ELOVL6: variants seen among roughly 807,000 people sequenced by gnomAD.
ELOVL6 encodes ELOVL fatty acid elongase 6, also known as very long chain fatty acid elongase 6.
Under a neutral mutation model 31.7 loss-of-function variants are expected in ELOVL6, and 8 were observed. That is an observed-to-expected ratio of 0.25 (90% confidence interval 0.15 to 0.45). ELOVL6 has a LOEUF of 0.45. Among genes scored for constraint, ELOVL6 ranks in the 20% least tolerant of loss-of-function variants. ELOVL6 has a pLI of 1.00. For missense variants in ELOVL6, 126 were observed against 326.4 expected, an observed-to-expected ratio of 0.39 and a Z score of 4.73; for synonymous variants, 101 against 117.7, an observed-to-expected ratio of 0.86 and a Z score of 0.92.
Position 110,149,065 on chromosome 4 carries a change from T to C in ELOVL6, c.90-43437A>G, listed in dbSNP as rs531013547. On this transcript the variant is annotated intron_variant, in intron 1 of 3. Transcript: ENST00000302274. ...TTAGTAGAGACAAGGTTTCACCATGTTGCTGAGGCTGGTCTTGAACTCCTG... is the reference window on the plus strand; with the variant it reads ...TTAGTAGAGACAAGGTTTCACCATGCTGCTGAGGCTGGTCTTGAACTCCTG... Among the ~76,000 whole-genome samples the C allele has an allele frequency of 2.6e-5, 4 of 152,288 alleles. No homozygotes were observed. In the South Asian group the frequency reaches 8.3e-4, roughly 32 times the overall value.
chr4:110,198,550 T>C lies in ELOVL6; in HGVS notation c.-215A>G. On this transcript the variant is annotated 5_prime_UTR_variant, in exon 1 of 4. Transcript: ENST00000302274. The stretch of plus-strand genomic sequence containing the variant: ...CGCCTCCGCTCCCAGCTCCTCTCTC[T>C]GGGGCTCTCCTCCTCCCGGCGTCCG... The C allele has an allele frequency of 2.0e-6, 1 of 506,102 alleles. No individual in the cohort carries two copies. The highest frequency in any genetic ancestry group is 3.4e-5 in the East Asian group (1 of 29,636). 31.4% of individuals were successfully genotyped at this position (506,102 alleles called of 1,614,324 possible). A position where few individuals can be genotyped will look rare whatever the true frequency, so the allele number is the denominator to read the frequency against.
At chr4:110,142,485 A>G (rs1362402938) in intron 1 of ELOVL6, among the ~76,000 whole-genome samples, 1 of 152,210 alleles carries the variant, frequency 6.6e-6, no homozygotes, top group Admixed American at 6.5e-5. Context: ...ATCCCTGTCT[A>G]AACTGTGTGG....
intron 1 of ELOVL6, among the ~76,000 whole-genome samples, chr4:110,155,347 C>T (rs554148486): frequency 3.4e-4 from 52 of 151,914 alleles, no homozygotes; most frequent in Non-Finnish European, 4.6e-4. Context: ...TATAGTTATA[C>T]TAATACAGAA....
intron 1 of ELOVL6, among the ~76,000 whole-genome samples, chr4:110,112,283 G>A (rs771212308): frequency 2.0e-5 from 3 of 152,132 alleles, no homozygotes; most frequent in East Asian, 1.9e-4. Flanking sequence ...TGTGAACTGC[G>A]GCTCTTCACA....
At chr4:110,106,572 G>A (rs1158432679) in intron 1 of ELOVL6, among the ~76,000 whole-genome samples, 1 of 152,106 alleles carries the variant, frequency 6.6e-6, no homozygotes, top group Non-Finnish European at 1.5e-5. Context: ...GCATGCTAAT[G>A]CATTATAATT....
chr4:110,198,574 C>T lies in ELOVL6; in HGVS notation c.-239G>A, dbSNP rs1342803068. 8.5e-6 allele frequency: 4 copies of T among 469,694 alleles called. No homozygotes were observed. Among genetic ancestry groups the T allele is most frequent in the Non-Finnish European group, 1.1e-5 (3 of 265,790 alleles). 29.1% of individuals were successfully genotyped at this position (469,694 alleles called of 1,614,324 possible). On this transcript the variant is annotated 5_prime_UTR_variant, in exon 1 of 4. Coordinates refer to ENST00000302274, the MANE Select transcript of ELOVL6 (RefSeq NM_024090.3). ...CTGGGGCTCTCCTCCTCCCGGCGTCCGCATCCACCGTAGGAGGAAATGAAT... is the reference window on the plus strand; with the variant it reads ...CTGGGGCTCTCCTCCTCCCGGCGTCTGCATCCACCGTAGGAGGAAATGAAT...
intron 1 of ELOVL6, among the ~76,000 whole-genome samples, chr4:110,110,813 G>C (rs373946562): frequency 6.2e-4 from 94 of 152,240 alleles, no homozygotes; most frequent in African/African-American, 1.8e-3. Flanking sequence ...CTTTACAATT[G>C]CAAGACAAAG....
chr4:110,117,903 A>AAAATATATATATATATATATAT, intron 1 of ELOVL6: 2 of 6,496 alleles, frequency 3.1e-4, no homozygotes, highest in Admixed American at 3.8e-3. Flanking sequence ...AAAAAAAAAA[A>AAAATATATATATATATATATAT]ATATATATAT....
intron 1 of ELOVL6, among the ~76,000 whole-genome samples, chr4:110,145,151 G>C (rs1758071638): frequency 6.6e-6 from 1 of 151,900 alleles, no homozygotes; most frequent in African/African-American, 2.4e-5. Context: ...CAGAGAGAGA[G>C]AGAGAGTGAG....
chr4:110,168,684 T>C (rs1758850878), intron 1 of ELOVL6, among the ~76,000 whole-genome samples: 1 of 152,126 alleles, frequency 6.6e-6, no homozygotes, highest in Non-Finnish European at 1.5e-5. Flanking sequence ...TCCCAGTAGG[T>C]GCTGACGTCA....
chr4:110,078,609 C>T (rs1255536721), intron 2 of ELOVL6, among the ~76,000 whole-genome samples: 1 of 152,168 alleles, frequency 6.6e-6, no homozygotes, highest in Admixed American at 6.5e-5. Flanking sequence ...TGGAAAGGAA[C>T]AACCAGTACC....
intron 3 of ELOVL6, among the ~76,000 whole-genome samples, chr4:110,053,173 C>T (rs574360648): frequency 1.1e-4 from 16 of 152,316 alleles, no homozygotes; most frequent in Admixed American, 1.0e-3. Flanking sequence ...CCTCGGCCTC[C>T]TAAAGTGCTG....
chr4:110,053,276 C>A (rs530934945), intron 3 of ELOVL6, among the ~76,000 whole-genome samples: 57 of 152,222 alleles, frequency 3.7e-4, no homozygotes, highest in Non-Finnish European at 7.1e-4. Context: ...CAAAACAAAA[C>A]AAAGAAAAAC....
At chr4:110,186,100 G>C (rs1429683816) in intron 1 of ELOVL6, among the ~76,000 whole-genome samples, 1 of 152,130 alleles carries the variant, frequency 6.6e-6, no homozygotes. Context: ...TGAGGCAGAA[G>C]AATCGCTTGA....
At chr4:110,095,818 G>C (rs1312941845) in intron 2 of ELOVL6, among the ~76,000 whole-genome samples, 1 of 152,186 alleles carries the variant, frequency 6.6e-6, no homozygotes. Context: ...AACAGGTGTA[G>C]TCAGCTACCT....
intron 2 of ELOVL6, among the ~76,000 whole-genome samples, chr4:110,078,525 A>G (rs1234211961): frequency 6.6e-6 from 1 of 152,222 alleles, no homozygotes; most frequent in African/African-American, 2.4e-5. Flanking sequence ...AATACTTTAC[A>G]GACAAGCAAA....
intron 2 of ELOVL6, among the ~76,000 whole-genome samples, chr4:110,093,845 A>G (rs927947289): frequency 2.0e-5 from 3 of 152,162 alleles, no homozygotes; most frequent in Non-Finnish European, 2.9e-5. Flanking sequence ...AAGAAAAGGC[A>G]ATTACAAGCA....
intron 1 of ELOVL6, among the ~76,000 whole-genome samples, chr4:110,154,235 C>A (rs755765951): frequency 2.6e-5 from 4 of 152,006 alleles, no homozygotes; most frequent in Non-Finnish European, 4.4e-5. Context: ...TGACACCACA[C>A]CCAGCTAATA....
At chr4:110,060,707 C>T (rs916636180) in intron 2 of ELOVL6, among the ~76,000 whole-genome samples, 27 of 152,182 alleles carry the variant, frequency 1.8e-4, no homozygotes, top group Middle Eastern at 3.4e-3. Flanking sequence ...GAACCATGCC[C>T]GGGACTGAAA....
Sources: gnomAD v4.1 joint callset for allele counts (sites outside exome capture counted in the v4.1 genomes callset) on GRCh38, gnomAD v4.1.1 for gene constraint, MANE v1.5 for transcripts, NCBI Gene and HGNC (gene_info 2026-07-23, HGNC 2026-07-21) for gene names.